The following FRK variants were observed in gnomAD, a reference collection of about 807,000 sequenced individuals.
FRK encodes fyn related Src family tyrosine kinase.
A neutral mutation model predicts 56.4 loss-of-function variants in FRK; 51 were observed. That is an observed-to-expected ratio of 0.90 (90% CI 0.72 to 1.14). The LOEUF (loss-of-function observed/expected upper bound fraction) is 1.14. Among genes scored for constraint, FRK ranks in the 50% most tolerant of loss-of-function variants. FRK has a pLI of 0.00. For missense variants in FRK, 570 were observed against 601.4 expected, an observed-to-expected ratio of 0.95 and a Z score of 0.55; for synonymous variants, 245 against 217.9, an observed-to-expected ratio of 1.12 and a Z score of -1.10.
intron 1 of FRK, among the ~76,000 whole-genome samples, chr6:116,018,132 T>C (rs1890425): frequency 0.2 from 29,909 of 152,196 alleles, 3,843 homozygotes; most frequent in Middle Eastern, 0.35. Context: ...ACCACTCCTC[T>C]TCCTCCTTTC....
chr6:115,955,806 C>T (rs890593015), intron 5 of FRK, among the ~76,000 whole-genome samples: 3 of 152,164 alleles, frequency 2.0e-5, no homozygotes, highest in African/African-American at 7.2e-5. Flanking sequence ...CTTTGAACAT[C>T]TCATTTTAAT....
At chr6:115,970,988 C>T (rs539564192) in intron 2 of FRK, among the ~76,000 whole-genome samples, 3 of 152,228 alleles carry the variant, frequency 2.0e-5, no homozygotes, top group East Asian at 3.9e-4. Context: ...GTGACTGGGA[C>T]GTTAACCTTA....
At chr6:115,973,622 C>A (rs7747186) in intron 2 of FRK, among the ~76,000 whole-genome samples, 3 of 152,026 alleles carry the variant, frequency 2.0e-5, no homozygotes, top group Non-Finnish European at 4.4e-5. Flanking sequence ...GTAATCCCAG[C>A]ACTTTGGGAG....
chr6:116,046,855 C>T (rs914482744), intron 1 of FRK, among the ~76,000 whole-genome samples: 5 of 151,774 alleles, frequency 3.3e-5, no homozygotes, highest in African/African-American at 1.2e-4. Context: ...AATAGTACTA[C>T]TAGTATACCA....
chr6:115,943,662 G>GA (rs960874456), intron 6 of FRK, among the ~76,000 whole-genome samples: 14 of 151,934 alleles, frequency 9.2e-5, no homozygotes, highest in Middle Eastern at 6.8e-3. Flanking sequence ...TTTACAAAAA[G>GA]AAAAAAATGA....
chr6:116,011,982 GA>G (rs1489611015), intron 1 of FRK, among the ~76,000 whole-genome samples: 1 of 151,622 alleles, frequency 6.6e-6, no homozygotes, highest in Non-Finnish European at 1.5e-5. Flanking sequence ...TAAGGACAAA[GA>G]AAAAAAATAA....
the FRK span, among the ~76,000 whole-genome samples, chr6:116,092,912 G>A: frequency 6.6e-6 from 1 of 152,116 alleles, no homozygotes; most frequent in East Asian, 1.9e-4. Flanking sequence ...CCCTGAAAAA[G>A]AGGCAGCTCA....
At chr6:116,089,406 T>C in the FRK span, among the ~76,000 whole-genome samples, 3 of 152,330 alleles carry the variant, frequency 2.0e-5, no homozygotes, top group East Asian at 1.9e-4. Flanking sequence ...ACTCTAATAG[T>C]AAATAAATAG....
At chr6:116,093,860 C>T in the FRK span, among the ~76,000 whole-genome samples, 1 of 152,148 alleles carries the variant, frequency 6.6e-6, no homozygotes, top group Non-Finnish European at 1.5e-5. Flanking sequence ...AAGTTTATTA[C>T]CCAATCAGCC....
intron 7 of FRK, 109 bp from the exon 8 acceptor site, chr6:115,942,734 T>C (rs1582626299): frequency 1.0e-6 from 1 of 982,348 alleles, no homozygotes; most frequent in Non-Finnish European, 1.5e-6. Flanking sequence ...TCAATTTCTT[T>C]GGCAAAGATT....
chr6:116,033,078 C>G (rs376013293), intron 1 of FRK, among the ~76,000 whole-genome samples: 154 of 152,198 alleles, frequency 1.0e-3, no homozygotes, highest in African/African-American at 3.5e-3. Flanking sequence ...ATTGTCCCTT[C>G]TTGCACTCAG....
At chr6:116,034,666 T>C (rs1366216120) in intron 1 of FRK, among the ~76,000 whole-genome samples, 3 of 152,080 alleles carry the variant, frequency 2.0e-5, no homozygotes, top group Non-Finnish European at 4.4e-5. Flanking sequence ...GGACTTTATG[T>C]GGACTCACAA....
At chr6:115,947,238 G>A (rs1185545860) in intron 5 of FRK, among the ~76,000 whole-genome samples, 1 of 151,582 alleles carries the variant, frequency 6.6e-6, no homozygotes, top group Non-Finnish European at 1.5e-5. Context: ...ATAATTATGT[G>A]TTTTCTATAT....
At chr6:116,017,982 G>C (rs1775714325) in intron 1 of FRK, among the ~76,000 whole-genome samples, 1 of 152,158 alleles carries the variant, frequency 6.6e-6, no homozygotes, top group Non-Finnish European at 1.5e-5. Flanking sequence ...AAAGCTTTAA[G>C]TACAATACAG....
At chr6:116,009,298 A>C (rs555363492) in intron 1 of FRK, among the ~76,000 whole-genome samples, 32 of 152,278 alleles carry the variant, frequency 2.1e-4, no homozygotes, top group Admixed American at 4.6e-4. Flanking sequence ...CTTTAGGCTA[A>C]TACTTGTTAG....
chr6:115,953,568 T>C (rs1242760631), intron 5 of FRK, among the ~76,000 whole-genome samples: 2 of 152,178 alleles, frequency 1.3e-5, no homozygotes, highest in African/African-American at 2.4e-5. Flanking sequence ...TTACTCCTCC[T>C]GGCTACTAAT....
chr6:116,060,368 G>C lies in FRK; in HGVS notation c.-57C>G. ...TTCTCCCTCTCCCCTTAGTCTCTGC[G>C]ATCCACCTTATCTTCCTTCACCAGG... On this transcript the variant is annotated 5_prime_UTR_variant, in exon 1 of 8. The change creates a new upstream start codon in the 5' untranslated region. Transcript: ENST00000606080. 1 of 1,385,626 alleles carries C rather than the reference G, an allele frequency of 7.2e-7. No individual in the cohort carries two copies. Among genetic ancestry groups the C allele is most frequent in the Non-Finnish European group, 1.0e-6 (1 of 999,598 alleles). The allele number at this position is 1,385,626 out of a possible 1,614,324, so 85.8% of individuals were successfully genotyped here.
At chr6:116,040,763 T>C (rs1776680181) in intron 1 of FRK, among the ~76,000 whole-genome samples, 1 of 152,206 alleles carries the variant, frequency 6.6e-6, no homozygotes, top group Non-Finnish European at 1.5e-5. Flanking sequence ...GAAGAATTCA[T>C]AGGCTCATTA....
chr6:116,086,484 T>C, the FRK span, among the ~76,000 whole-genome samples: 1 of 152,224 alleles, frequency 6.6e-6, no homozygotes, highest in Admixed American at 6.5e-5. Flanking sequence ...ATGCTGTAAT[T>C]ATTTATATAG....
Sources: gnomAD v4.1 joint callset for allele counts (sites outside exome capture counted in the v4.1 genomes callset) on GRCh38, gnomAD v4.1.1 for gene constraint, MANE v1.5 for transcripts, NCBI Gene and HGNC (gene_info 2026-07-23, HGNC 2026-07-21) for gene names.